PTPRT: variants seen among roughly 807,000 people sequenced by gnomAD.
The protein encoded by PTPRT is protein tyrosine phosphatase receptor type T.
A neutral mutation model predicts 176.8 loss-of-function variants in PTPRT; 56 were observed. That is an observed-to-expected ratio of 0.32 (90% CI 0.26 to 0.40). The LOEUF (loss-of-function observed/expected upper bound fraction) is 0.40, where lower values mean the gene tolerates loss of function less well. Ranked by LOEUF, PTPRT falls within the 10% of genes least tolerant of loss-of-function variation. The probability of loss-of-function intolerance (pLI) is 1.00; values close to 1 mark genes in which losing one functional copy is unlikely to be tolerated. For synonymous variants in PTPRT, 783 were observed against 739.0 expected (o/e 1.06, Z -0.96); for missense variants, 1,540 against 1,908.2 (o/e 0.81, Z 3.60).
chr20:42,967,943 G>A (rs1470284928), intron 1 of PTPRT, among the ~76,000 whole-genome samples: 2 of 152,052 alleles, frequency 1.3e-5, no homozygotes, highest in Admixed American at 6.6e-5. Flanking sequence ...GAGAATGCGC[G>A]GTCTGTGCTT....
intron 1 of PTPRT, among the ~76,000 whole-genome samples, chr20:42,917,062 C>T (rs1211790565): frequency 1.3e-5 from 2 of 152,138 alleles, no homozygotes; most frequent in African/African-American, 4.8e-5. Flanking sequence ...ATGGTACTGC[C>T]TAGGTTTTCT....
intron 16 of PTPRT, among the ~76,000 whole-genome samples, chr20:42,171,023 GC>G (rs1297121308): frequency 6.6e-6 from 1 of 152,054 alleles, no homozygotes; most frequent in Non-Finnish European, 1.5e-5. Flanking sequence ...ACATTTTCTT[GC>G]CCAAATTTAA....
chr20:42,282,381 T>G lies in PTPRT; in HGVS notation c.2176+108A>C. 5 of 1,152,458 alleles carry G rather than the reference T, an allele frequency of 4.3e-6. No individual in the cohort carries two copies. In the South Asian group the frequency reaches 7.2e-5, roughly 17 times the overall value. The allele number at this position is 1,152,458 out of a possible 1,614,324, so 71.4% of individuals were successfully genotyped here. On this transcript the variant is annotated intron_variant, in intron 13 of 30. Coordinates refer to ENST00000373187, the MANE Select transcript of PTPRT (RefSeq NM_007050.6). ...AAATGACTCCGGTGAAAATAACAAT[T>G]CTTTCTTGTTTTGAGTTACTGTTGC...
At chr20:42,247,582 G>A (rs2056475187) in intron 14 of PTPRT, among the ~76,000 whole-genome samples, 1 of 152,310 alleles carries the variant, frequency 6.6e-6, no homozygotes, top group South Asian at 2.1e-4. Context: ...TGAACTCTGT[G>A]CATAAGCAAA....
At chr20:42,546,382 T>G (rs2072674310) in intron 7 of PTPRT, among the ~76,000 whole-genome samples, 1 of 152,084 alleles carries the variant, frequency 6.6e-6, no homozygotes, top group Admixed American at 6.5e-5. Context: ...TATGATTGGT[T>G]GAAGTACGGC....
At chr20:42,845,355 G>C (rs2078351580) in intron 2 of PTPRT, among the ~76,000 whole-genome samples, 1 of 152,112 alleles carries the variant, frequency 6.6e-6, no homozygotes, top group South Asian at 2.1e-4. Flanking sequence ...GGTGATCCAA[G>C]GTCATCTTTT....
Position 42,075,573 on chromosome 20 carries a change from G to A in PTPRT, c.*5306C>T, listed in dbSNP as rs1600447605. ...CTTCATTTTGTCCCAAGGCAGTGAG[G>A]TACCAAGGAATTATCATTTCCTTCA... On this transcript the variant is annotated 3_prime_UTR_variant, in exon 31 of 31. Coordinates refer to ENST00000373187, the MANE Select transcript of PTPRT (RefSeq NM_007050.6). 4.8e-6 allele frequency: 1 copy of A among 208,932 alleles called. No individual in the cohort carries two copies. Among genetic ancestry groups the A allele is most frequent in the Non-Finnish European group, 9.7e-6 (1 of 102,840 alleles). The allele number at this position is 208,932 out of a possible 1,614,324, so 12.9% of individuals were successfully genotyped here. A position where few individuals can be genotyped will look rare whatever the true frequency, so the allele number is the denominator to read the frequency against.
chr20:42,160,500 C>A lies in PTPRT; in HGVS notation c.2682+852G>T, dbSNP rs530782397. On this transcript the variant is annotated intron_variant, in intron 17 of 30. Transcript: ENST00000373187. ...ATTGTTCTGCAAAATAAAAGAGGAACGTGGTGCCCTTTGTCTGGATGCTGA... is the reference window on the plus strand; with the variant it reads ...ATTGTTCTGCAAAATAAAAGAGGAAAGTGGTGCCCTTTGTCTGGATGCTGA... Among the ~76,000 whole-genome samples, 3 of 121,490 alleles carry A rather than the reference C, an allele frequency of 2.5e-5. No individual in the cohort carries two copies. The Admixed American group carries it at 3.2e-4, about 13-fold the overall frequency. The allele number at this position is 121,490 out of a possible 152,430, so 79.7% of individuals were successfully genotyped here.
chr20:42,236,041 C>T (rs943523323), intron 15 of PTPRT, among the ~76,000 whole-genome samples, 188 bp downstream of exon 15: 12 of 152,164 alleles, frequency 7.9e-5, no homozygotes, highest in African/African-American at 2.7e-4. Flanking sequence ...GGAAACATAA[C>T]GAACTTGAAC....
At chr20:42,225,594 C>CTG (rs1056324215) in intron 15 of PTPRT, among the ~76,000 whole-genome samples, 13 of 151,952 alleles carry the variant, frequency 8.6e-5, no homozygotes, top group African/African-American at 2.9e-4. Flanking sequence ...AAGTGTGTTT[C>CTG]TGTGTGTGTG....
chr20:42,700,594 C>A (rs2075960600), intron 6 of PTPRT, among the ~76,000 whole-genome samples: 1 of 152,126 alleles, frequency 6.6e-6, no homozygotes, highest in South Asian at 2.1e-4. Flanking sequence ...TAGAATAAAG[C>A]CCAAATAGAA....
chr20:42,614,577 T>G (rs1179591559), intron 7 of PTPRT, among the ~76,000 whole-genome samples: 1 of 152,070 alleles, frequency 6.6e-6, no homozygotes, highest in African/African-American at 2.4e-5. Context: ...TTTTTTCAAC[T>G]TTCACCATGC....
At chr20:42,488,638 A>C (rs927162049) in intron 7 of PTPRT, among the ~76,000 whole-genome samples, 33 of 152,162 alleles carry the variant, frequency 2.2e-4, no homozygotes, top group African/African-American at 8.0e-4. Context: ...GATAATCTCT[A>C]ATAAGTAAGA....
chr20:42,184,924 C>CT (rs1294669682), intron 16 of PTPRT, among the ~76,000 whole-genome samples: 1 of 151,912 alleles, frequency 6.6e-6, no homozygotes, highest in Admixed American at 6.6e-5. Context: ...GCATGAGTCA[C>CT]TGCACCCAGC....
rs572880522 is a variant in PTPRT at position 42,509,633 on chromosome 20, T to C, written c.1154-37071A>G. On this transcript the variant is annotated intron_variant, in intron 7 of 30. Coordinates refer to ENST00000373187, the MANE Select transcript of PTPRT (RefSeq NM_007050.6). ...CCGATATAGAATTGGCCTTTATTTA[T>C]ACTCACTGTATGTCATTCTGCAGAA... 7.7e-4 allele frequency among the ~76,000 whole-genome samples: 114 copies of C among 148,646 alleles called. 4 individuals carry two copies. The highest frequency in any genetic ancestry group is 6.1e-4 in the Non-Finnish European group (40 of 66,112).
chr20:42,959,442 G>A (rs752078166), intron 1 of PTPRT, among the ~76,000 whole-genome samples: 7 of 152,188 alleles, frequency 4.6e-5, no homozygotes, highest in African/African-American at 7.2e-5. Flanking sequence ...TCCTGTGCCA[G>A]GGACTGAGAC....
At chr20:42,909,690 C>T (rs2079520938) in intron 1 of PTPRT, among the ~76,000 whole-genome samples, 1 of 152,152 alleles carries the variant, frequency 6.6e-6, no homozygotes, top group African/African-American at 2.4e-5. Flanking sequence ...CAGCATTTAC[C>T]AACCTCTACT....
intron 7 of PTPRT, among the ~76,000 whole-genome samples, chr20:42,477,978 T>C (rs1489614453): frequency 6.6e-6 from 1 of 152,202 alleles, no homozygotes; most frequent in East Asian, 1.9e-4. Context: ...TCTGGTTCTG[T>C]CCTCTCCCTT....
intron 12 of PTPRT, among the ~76,000 whole-genome samples, chr20:42,283,734 C>T (rs1404045133): frequency 2.6e-5 from 4 of 152,042 alleles, no homozygotes; most frequent in African/African-American, 4.8e-5. Flanking sequence ...CACTTCTATG[C>T]GTGCTTTATT....
Sources: gnomAD v4.1 joint callset for allele counts (sites outside exome capture counted in the v4.1 genomes callset) on GRCh38, gnomAD v4.1.1 for gene constraint, MANE v1.5 for transcripts, NCBI Gene and HGNC (gene_info 2026-07-23, HGNC 2026-07-21) for gene names.